DENND1A: variants seen among roughly 807,000 people sequenced by gnomAD.
The protein encoded by DENND1A is DENN domain-containing protein 1A.
Under a neutral mutation model 113.7 loss-of-function variants are expected in DENND1A, and 51 were observed. The observed-to-expected ratio is 0.45, with a 90% CI of 0.36 to 0.57. The LOEUF (loss-of-function observed/expected upper bound fraction) is 0.57, where lower values mean the gene tolerates loss of function less well. DENND1A is among the 20% of genes least tolerant of loss of function. The pLI is 0.00. For synonymous variants in DENND1A, 565 were observed against 570.8 expected, an observed-to-expected ratio of 0.99 and a Z score of 0.14; for missense variants, 1,258 against 1,395.9, an observed-to-expected ratio of 0.90 and a Z score of 1.57.
chr9:123,471,797 C>T (rs548644256), intron 13 of DENND1A, among the ~76,000 whole-genome samples: 1 of 152,338 alleles, frequency 6.6e-6, no homozygotes, highest in Non-Finnish European at 1.5e-5. Flanking sequence ...CACCCCCGAG[C>T]TCTGAGCACG....
chr9:123,546,049 TC>T (rs2056653841), intron 13 of DENND1A, among the ~76,000 whole-genome samples: 1 of 152,170 alleles, frequency 6.6e-6, no homozygotes, highest in Admixed American at 6.5e-5. Flanking sequence ...TATAGTCCTC[TC>T]TTGTGTATTT....
At chr9:123,822,893 C>T (rs1389137771) in intron 2 of DENND1A, among the ~76,000 whole-genome samples, 6 of 152,294 alleles carry the variant, frequency 3.9e-5, no homozygotes, top group Admixed American at 3.3e-4. Context: ...CCTTTCTTAA[C>T]GCTTACGATA....
At chr9:123,804,519 T>A (rs997776520) in intron 2 of DENND1A, among the ~76,000 whole-genome samples, 1 of 152,238 alleles carries the variant, frequency 6.6e-6, no homozygotes, top group African/African-American at 2.4e-5. Flanking sequence ...TTCTTTCCTT[T>A]GCTGGTCCTC....
At chr9:123,526,182 C>T (rs2054827316) in intron 13 of DENND1A, among the ~76,000 whole-genome samples, 1 of 151,424 alleles carries the variant, frequency 6.6e-6, no homozygotes, top group South Asian at 2.1e-4. Flanking sequence ...CACACACACA[C>T]ACACATATGC....
chr9:123,599,676 G>A (rs2059859725), intron 11 of DENND1A, among the ~76,000 whole-genome samples: 1 of 152,168 alleles, frequency 6.6e-6, no homozygotes, highest in Non-Finnish European at 1.5e-5. Context: ...TTCACTGACT[G>A]CTCAAAAAGC....
chr9:123,457,468 C>A lies in DENND1A; in HGVS notation c.1099-33G>T, dbSNP rs369225384. ...AAGAAGGAACAAAAGCACAACAGCT[C>A]GTACAAAGAAAAGGGGGAAAAACCA... is the stretch of plus-strand genomic sequence containing the variant. On this transcript the variant is annotated intron_variant, in intron 14 of 23. Transcript: ENST00000394215. 6.5e-6 allele frequency: 10 copies of A among 1,548,884 alleles called. No individual in the cohort carries two copies. In the Admixed American group the frequency reaches 1.2e-4, roughly 18 times the overall value.
chr9:123,465,639 G>T (rs1377589844), intron 13 of DENND1A, among the ~76,000 whole-genome samples: 1 of 152,118 alleles, frequency 6.6e-6, no homozygotes, highest in African/African-American at 2.4e-5. Flanking sequence ...GTCTTACCAG[G>T]GCTGGCAACA....
intron 13 of DENND1A, among the ~76,000 whole-genome samples, chr9:123,477,187 C>A (rs2049982525): frequency 6.6e-6 from 1 of 152,178 alleles, no homozygotes; most frequent in Admixed American, 6.5e-5. Flanking sequence ...TTATCTCCTG[C>A]TGCAACCTAA....
intron 13 of DENND1A, among the ~76,000 whole-genome samples, chr9:123,546,287 G>A (rs761964024): frequency 3.3e-5 from 5 of 152,080 alleles, no homozygotes; most frequent in Admixed American, 6.5e-5. Flanking sequence ...GGTGGCTCAC[G>A]CCTGTAATCC....
chr9:123,581,809 T>C (rs1046275476), intron 12 of DENND1A, among the ~76,000 whole-genome samples: 1 of 151,994 alleles, frequency 6.6e-6, no homozygotes, highest in Non-Finnish European at 1.5e-5. Flanking sequence ...CAACAACCCG[T>C]TTCACTCTGG....
At chr9:123,452,774 A>G (rs181089964) in intron 16 of DENND1A, among the ~76,000 whole-genome samples, 1 of 152,296 alleles carries the variant, frequency 6.6e-6, no homozygotes, top group East Asian at 1.9e-4. Context: ...AAGCCGGGGC[A>G]GAAAGTGGGG....
chr9:123,716,875 A>G (rs1263705756), intron 5 of DENND1A, among the ~76,000 whole-genome samples: 1 of 152,210 alleles, frequency 6.6e-6, no homozygotes, highest in African/African-American at 2.4e-5. Flanking sequence ...AAACTCCTCA[A>G]TAAACAATGC....
At chr9:123,898,193 C>T (rs1429588065) in intron 1 of DENND1A, among the ~76,000 whole-genome samples, 4 of 152,096 alleles carry the variant, frequency 2.6e-5, no homozygotes, top group Non-Finnish European at 5.9e-5. Flanking sequence ...TAAAATGATG[C>T]TGAGCATTTT....
At chr9:123,546,140 C>A (rs989484086) in intron 13 of DENND1A, among the ~76,000 whole-genome samples, 2 of 152,160 alleles carry the variant, frequency 1.3e-5, no homozygotes, top group African/African-American at 4.8e-5. Flanking sequence ...CTGTGGTTAG[C>A]CACCATGCAG....
At chr9:123,561,360 G>GTGGT (rs1361252743) in intron 12 of DENND1A, among the ~76,000 whole-genome samples, 2 of 152,288 alleles carry the variant, frequency 1.3e-5, no homozygotes, top group East Asian at 3.9e-4. Context: ...AACTAGCCAA[G>GTGGT]TGGTCCTGGG....
chr9:123,815,225 T>A (rs1837250110), intron 2 of DENND1A, among the ~76,000 whole-genome samples: 1 of 152,270 alleles, frequency 6.6e-6, no homozygotes, highest in South Asian at 2.1e-4. Context: ...CAGTGTCAGA[T>A]GCTAATGCAA....
chr9:123,866,323 GTTC>G (rs1215503068), intron 2 of DENND1A, among the ~76,000 whole-genome samples: 2 of 152,156 alleles, frequency 1.3e-5, no homozygotes, highest in Non-Finnish European at 2.9e-5. Context: ...TGATCACTGG[GTTC>G]TTGTTAAACT....
chr9:123,562,310 T>G (rs561195064), intron 12 of DENND1A, among the ~76,000 whole-genome samples: 6 of 152,248 alleles, frequency 3.9e-5, no homozygotes, highest in African/African-American at 1.4e-4. Context: ...TGGCTGTCTC[T>G]TGTCCCTTCC....
At chr9:123,782,059 G>A (rs1019663522) in intron 3 of DENND1A, among the ~76,000 whole-genome samples, 3 of 151,912 alleles carry the variant, frequency 2.0e-5, no homozygotes, top group Admixed American at 2.0e-4. Flanking sequence ...GACTGGGTAA[G>A]ACTCTGTCTA....
Sources: allele counts gnomAD v4.1 joint callset (sites outside exome capture counted in the v4.1 genomes callset), GRCh38; gene constraint gnomAD v4.1.1; transcripts MANE v1.5; gene names NCBI Gene and HGNC (gene_info 2026-07-23, HGNC 2026-07-21).